TG: variants seen among roughly 807,000 people sequenced by gnomAD.
The protein encoded by TG is thyroid hormones.
A neutral mutation model predicts 324.7 loss-of-function variants in TG; 270 were observed. The observed-to-expected ratio is 0.83, with a 90% CI of 0.75 to 0.92. The LOEUF (loss-of-function observed/expected upper bound fraction) is 0.92, where lower values mean the gene tolerates loss of function less well. TG is among the 40% of genes least tolerant of loss of function. TG has a pLI of 0.00. For missense variants in TG, 3,591 were observed against 3,456.4 expected, an observed-to-expected ratio of 1.04 and a Z score of -0.98; for synonymous variants, 1,401 against 1,327.0, an observed-to-expected ratio of 1.06 and a Z score of -1.21.
chr8:133,091,333 C>T (rs1847483966), intron 41 of TG, among the ~76,000 whole-genome samples: 1 of 152,236 alleles, frequency 6.6e-6, no homozygotes, highest in African/African-American at 2.4e-5. Context: ...TGAGGATTCA[C>T]ATTCCAGGGT....
chr8:133,051,324 G>A lies in TG; in HGVS notation c.7239+21301G>A, dbSNP rs1021159848. Among the ~76,000 whole-genome samples the A allele has an allele frequency of 5.9e-5, 9 of 152,080 alleles. No homozygotes were observed. The East Asian group carries it at 1.7e-3, about 29-fold the overall frequency. On this transcript the variant is annotated intron_variant, in intron 41 of 47. Coordinates refer to ENST00000220616, the MANE Select transcript of TG (RefSeq NM_003235.5). ...GATGAGAGTATGTTACACCACATAC[G>A]TTCACATAAGTTGCTGTAAAAACCC...
chr8:133,075,031 C>T (rs889031428), intron 41 of TG: 25 of 985,338 alleles, frequency 2.5e-5, no homozygotes, highest in South Asian at 1.9e-4. Flanking sequence ...CTAAACTGGC[C>T]GCATACTTCC....
intron 29 of TG, chr8:132,964,950 G>C: frequency 2.8e-6 from 2 of 702,262 alleles, no homozygotes; most frequent in Admixed American, 2.0e-5. Flanking sequence ...CTGAGAAAAG[G>C]TGTTCCAGGT....
intron 41 of TG, among the ~76,000 whole-genome samples, chr8:133,075,637 T>C (rs1844757611): frequency 6.6e-6 from 1 of 152,166 alleles, no homozygotes; most frequent in African/African-American, 2.4e-5. Flanking sequence ...GACGGCTATA[T>C]CTTTCAAAGA....
intron 3 of TG, 94 bp downstream of exon 3, chr8:132,869,920 G>A: frequency 9.1e-7 from 1 of 1,103,204 alleles, no homozygotes; most frequent in Middle Eastern, 2.9e-4. Flanking sequence ...GACTGAGCAG[G>A]TCCTCCCTCT....
chr8:132,884,352 A>T (rs181645257), intron 8 of TG, among the ~76,000 whole-genome samples: 1 of 152,158 alleles, frequency 6.6e-6, no homozygotes, highest in African/African-American at 2.4e-5. Context: ...ATTTTGAAGG[A>T]TGTTATGATG....
intron 8 of TG, among the ~76,000 whole-genome samples, chr8:132,885,131 G>GT (rs555557408): frequency 1.4e-5 from 2 of 146,450 alleles, no homozygotes; most frequent in Non-Finnish European, 3.0e-5. Context: ...TTAAAAGTTG[G>GT]GGGGGGGGCG....
chr8:132,876,608 CCTTTTGCCCTTCAAGAAGG>C (rs1345267847), intron 5 of TG, among the ~76,000 whole-genome samples: 1 of 152,112 alleles, frequency 6.6e-6, no homozygotes, highest in East Asian at 1.9e-4. Context: ...TGAAGTAGGT[CCTTTTGCCCTTCAAGAAGG>C]CTACTGCTTA....
Position 133,123,114 on chromosome 8 carries a change from C to T in TG, c.7862+6398C>T, listed in dbSNP as rs140180521. Among the ~76,000 whole-genome samples the T allele has an allele frequency of 8.9e-4, 135 of 152,184 alleles. No individual in the cohort carries two copies. In the East Asian group the frequency reaches 0.02, roughly 22 times the overall value. The stretch of plus-strand genomic sequence containing the variant: ...CCACAAATGCCTCCAGACATTGTCA[C>T]GTGTTCCCTGGGGACACAATCCTTG... On this transcript the variant is annotated intron_variant, in intron 45 of 47. Coordinates refer to ENST00000220616, the MANE Select transcript of TG (RefSeq NM_003235.5).
At chr8:132,943,387 G>A (rs1366830552) in intron 26 of TG, among the ~76,000 whole-genome samples, 1 of 152,150 alleles carries the variant, frequency 6.6e-6, no homozygotes, top group African/African-American at 2.4e-5. Context: ...GGCCTCACCA[G>A]CAGTAGATGC....
At chr8:133,108,175 A>G (rs137919626) in intron 43 of TG, among the ~76,000 whole-genome samples, 26 of 150,308 alleles carry the variant, frequency 1.7e-4, no homozygotes, top group African/African-American at 5.9e-4. Context: ...TTTAGTAGAG[A>G]TGGGGTTTCA....
At chr8:132,969,284 C>T (rs1002802297) in intron 31 of TG, among the ~76,000 whole-genome samples, 174 bp from the exon 32 acceptor site, 5 of 152,026 alleles carry the variant, frequency 3.3e-5, no homozygotes, top group Admixed American at 2.0e-4. Context: ...ATCTTTGTCC[C>T]TGTGGACTTG....
At chr8:133,058,233 G>A (rs1043854167) in intron 41 of TG, among the ~76,000 whole-genome samples, 1 of 152,156 alleles carries the variant, frequency 6.6e-6, no homozygotes, top group Admixed American at 6.5e-5. Flanking sequence ...ATGATCGGGG[G>A]AACGTTTCAG....
chr8:133,091,081 C>G (rs1847436131), intron 41 of TG, among the ~76,000 whole-genome samples: 1 of 152,242 alleles, frequency 6.6e-6, no homozygotes, highest in Admixed American at 6.5e-5. Context: ...TGGGATTGCT[C>G]TGAGAGGTAG....
chr8:133,049,977 C>A, intron 41 of TG: 1 of 1,611,526 alleles, frequency 6.2e-7, no homozygotes. Flanking sequence ...AGCTTTCCAC[C>A]AGCCCCCTTC....
chr8:133,058,859 A>G (rs1841937468), intron 41 of TG, among the ~76,000 whole-genome samples: 1 of 152,172 alleles, frequency 6.6e-6, no homozygotes. Flanking sequence ...TGGCTTGAGA[A>G]GGAGAGTTAC....
chr8:133,125,310 C>T (rs1427788383), intron 45 of TG, among the ~76,000 whole-genome samples: 1 of 152,160 alleles, frequency 6.6e-6, no homozygotes, highest in Non-Finnish European at 1.5e-5. Context: ...GAAGGAGGTC[C>T]ACTAGGGTGC....
At chr8:132,951,723 G>A (rs1826127151) in intron 27 of TG, among the ~76,000 whole-genome samples, 1 of 152,166 alleles carries the variant, frequency 6.6e-6, no homozygotes, top group South Asian at 2.1e-4. Flanking sequence ...CCTATACAAA[G>A]GCTGAGTAGG....
Position 133,042,678 on chromosome 8 carries a change from C to CCTTTTTTTTTTTTTTTT in TG, c.7239+12655_7239+12656insCTTTTTTTTTTTTTTTT, listed in dbSNP as rs1554706932. Among the ~76,000 whole-genome samples, 29 of 56,766 alleles carry CCTTTTTTTTTTTTTTTT rather than the reference C, an allele frequency of 5.1e-4. 5 individuals carry two copies. Among genetic ancestry groups the CCTTTTTTTTTTTTTTTT allele is most frequent in the East Asian group, 1.3e-3 (3 of 2,280 alleles). 37.2% of individuals were successfully genotyped at this position (56,766 alleles called of 152,430 possible). On this transcript the variant is annotated intron_variant, in intron 41 of 47. Coordinates refer to ENST00000220616, the MANE Select transcript of TG (RefSeq NM_003235.5). ...GTGCACAATTCCTCTCATTCTGTGTCTTTTTTTTTTTTTTTTTTTTTTTTT... is the reference window on the plus strand; with the variant it reads ...GTGCACAATTCCTCTCATTCTGTGTCCTTTTTTTTTTTTTTTTTTTTTTTTTTTTTTTTTTTTTTTTT...
Sources: allele counts gnomAD v4.1 joint callset (sites outside exome capture counted in the v4.1 genomes callset), GRCh38; gene constraint gnomAD v4.1.1; transcripts MANE v1.5; gene names NCBI Gene and HGNC (gene_info 2026-07-23, HGNC 2026-07-21).